The following KHDRBS3 variants were observed in gnomAD, a reference collection of about 807,000 sequenced individuals.
KHDRBS3 encodes KH domain-containing, RNA-binding, signal transduction-associated protein 3.
KHDRBS3 carries 23 observed loss-of-function variants against 45.6 expected under a neutral mutation model. The ratio of observed to expected loss-of-function variants is 0.50; its 90% confidence interval spans 0.36 to 0.72. The LOEUF (loss-of-function observed/expected upper bound fraction) is 0.72, where lower values mean the gene tolerates loss of function less well. Among genes scored for constraint, KHDRBS3 ranks in the 30% least tolerant of loss-of-function variants. The pLI is 0.00. For missense variants in KHDRBS3, 352 were observed against 424.8 expected, an observed-to-expected ratio of 0.83 and a Z score of 1.51; for synonymous variants, 162 against 156.5, an observed-to-expected ratio of 1.04 and a Z score of -0.26.
chr8:135,486,874 A>C (rs1822889909), intron 1 of KHDRBS3, among the ~76,000 whole-genome samples: 1 of 152,226 alleles, frequency 6.6e-6, no homozygotes, highest in Admixed American at 6.5e-5. Flanking sequence ...ACTTATTTTA[A>C]AACAATATAT....
intron 1 of KHDRBS3, among the ~76,000 whole-genome samples, chr8:135,483,718 G>C (rs896404082): frequency 2.0e-5 from 3 of 152,142 alleles, no homozygotes; most frequent in African/African-American, 7.2e-5. Context: ...CTGTCCATCT[G>C]CCGTCTCTTG....
chr8:135,606,291 A>G (rs1452687113), intron 6 of KHDRBS3, among the ~76,000 whole-genome samples: 1 of 151,926 alleles, frequency 6.6e-6, no homozygotes, highest in Non-Finnish European at 1.5e-5. Flanking sequence ...AGAGCTTTAC[A>G]AGACCTGTTT....
intron 5 of KHDRBS3, 70 bp downstream of exon 5, chr8:135,557,657 A>G: frequency 8.6e-7 from 1 of 1,156,746 alleles, no homozygotes; most frequent in East Asian, 2.4e-5. Context: ...ATTAGTAGCC[A>G]AAACCAGTTC....
At chr8:135,615,968 T>G (rs1035888490) in intron 7 of KHDRBS3, among the ~76,000 whole-genome samples, 1 of 152,250 alleles carries the variant, frequency 6.6e-6, no homozygotes, top group African/African-American at 2.4e-5. Flanking sequence ...GCCTTGATTT[T>G]ATTGAAAATA....
intron 5 of KHDRBS3, among the ~76,000 whole-genome samples, chr8:135,564,727 G>A (rs559401882): frequency 3.9e-5 from 6 of 152,180 alleles, no homozygotes; most frequent in South Asian, 4.2e-4. Flanking sequence ...AAGCCAATCC[G>A]ATGATATTTT....
intron 1 of KHDRBS3, among the ~76,000 whole-genome samples, chr8:135,476,090 C>A (rs1470640214): frequency 2.0e-5 from 3 of 152,076 alleles, no homozygotes; most frequent in Non-Finnish European, 4.4e-5. Context: ...TCAAAATGAC[C>A]AGGTAGTTAA....
intron 1 of KHDRBS3, among the ~76,000 whole-genome samples, chr8:135,484,585 C>T (rs1586587604): frequency 6.6e-6 from 1 of 152,218 alleles, no homozygotes; most frequent in Admixed American, 6.5e-5. Context: ...AATTTTACTG[C>T]ATTTTAATGT....
At chr8:135,641,286 G>A (rs1801419693) in intron 7 of KHDRBS3, among the ~76,000 whole-genome samples, 1 of 152,182 alleles carries the variant, frequency 6.6e-6, no homozygotes, top group Non-Finnish European at 1.5e-5. Flanking sequence ...TGGTCAGAAA[G>A]GAGTTGTTAA....
intron 7 of KHDRBS3, among the ~76,000 whole-genome samples, chr8:135,613,760 G>T (rs1330660820): frequency 6.6e-6 from 1 of 151,590 alleles, no homozygotes; most frequent in Admixed American, 6.6e-5. Context: ...AGTCGGTAAG[G>T]TCAACAGCCA....
chr8:135,574,918 G>T (rs1021540231), intron 5 of KHDRBS3, among the ~76,000 whole-genome samples: 1 of 152,088 alleles, frequency 6.6e-6, no homozygotes, highest in African/African-American at 2.4e-5. Flanking sequence ...ACAAAAGTGG[G>T]CTCTATGTTT....
chr8:135,458,875 T>C (rs1296609437), intron 1 of KHDRBS3: 2 of 456,264 alleles, frequency 4.4e-6, no homozygotes, highest in East Asian at 7.0e-5. Flanking sequence ...GGCTTTTTCC[T>C]CCTGTGGCTT....
intron 1 of KHDRBS3, among the ~76,000 whole-genome samples, chr8:135,477,448 A>G (rs1032596337): frequency 2.0e-5 from 3 of 152,240 alleles, no homozygotes; most frequent in African/African-American, 7.2e-5. Flanking sequence ...AGTTTCTGAC[A>G]TAATAAGTAA....
At chr8:135,620,100 T>C (rs1411441192) in intron 7 of KHDRBS3, among the ~76,000 whole-genome samples, 2 of 149,736 alleles carry the variant, frequency 1.3e-5, no homozygotes, top group African/African-American at 2.5e-5. Context: ...TGAGACAGGG[T>C]ATCAATCTGT....
In KHDRBS3 at chr8:135,535,303, TAAAC is replaced by T. The variant is rs1825685268; in HGVS notation, c.208-7350_208-7347del. 4.8e-5 allele frequency among the ~76,000 whole-genome samples: 5 copies of T among 103,378 alleles called. 1 individual carries two copies. Among genetic ancestry groups the T allele is most frequent in the African/African-American group, 1.5e-4 (4 of 26,108 alleles). The allele number at this position is 103,378 out of a possible 152,430, so 67.8% of individuals were successfully genotyped here. ...CTATATATAAACTATTATATATAGT[TAAAC>T]TATATATAAACTATTATATATAGTT... is the stretch of plus-strand genomic sequence containing the variant. On this transcript the variant is annotated intron_variant, in intron 2 of 8. Transcript: ENST00000355849.
At chr8:135,565,758 C>A (rs565174424) in intron 5 of KHDRBS3, among the ~76,000 whole-genome samples, 1 of 152,144 alleles carries the variant, frequency 6.6e-6, no homozygotes, top group Non-Finnish European at 1.5e-5. Flanking sequence ...ATTCTTCAAG[C>A]GCAAAGACTC....
chr8:135,468,446 T>C (rs1469747583), intron 1 of KHDRBS3, among the ~76,000 whole-genome samples: 1 of 152,230 alleles, frequency 6.6e-6, no homozygotes, highest in Non-Finnish European at 1.5e-5. Flanking sequence ...TGTACCTTCA[T>C]TGTCTTTATG....
At chr8:135,589,029 G>A (rs1828618912) in intron 6 of KHDRBS3, among the ~76,000 whole-genome samples, 1 of 152,088 alleles carries the variant, frequency 6.6e-6, no homozygotes, top group Admixed American at 6.5e-5. Context: ...TGTTCCTCAT[G>A]AATAGCTGTT....
At chr8:135,507,621 C>T (rs1310592603) in intron 1 of KHDRBS3, among the ~76,000 whole-genome samples, 1 of 152,140 alleles carries the variant, frequency 6.6e-6, no homozygotes, top group Non-Finnish European at 1.5e-5. Context: ...ACTTGACAAC[C>T]TCCCTTAAAG....
At chr8:135,514,125 G>T (rs374071047) in intron 1 of KHDRBS3, among the ~76,000 whole-genome samples, 43 of 152,242 alleles carry the variant, frequency 2.8e-4, no homozygotes, top group Middle Eastern at 3.4e-3. Context: ...AGTGCTTCCC[G>T]CAGAATGACT....
Sources: allele counts gnomAD v4.1 joint callset (sites outside exome capture counted in the v4.1 genomes callset), GRCh38; gene constraint gnomAD v4.1.1; transcripts MANE v1.5; gene names NCBI Gene and HGNC (gene_info 2026-07-23, HGNC 2026-07-21).